ATR: variants seen among roughly 807,000 people sequenced by gnomAD.
The protein encoded by ATR is ATR checkpoint kinase.
In ATR, 142 loss-of-function variants were observed where a neutral mutation model predicts 305.3. The ratio of observed to expected loss-of-function variants is 0.47; its 90% confidence interval spans 0.41 to 0.53. The LOEUF (loss-of-function observed/expected upper bound fraction) is 0.53, where lower values mean the gene tolerates loss of function less well. Ranked by LOEUF, ATR falls within the 20% of genes least tolerant of loss-of-function variation. The pLI, the probability that ATR is intolerant of heterozygous loss-of-function variation, is 0.00. For missense variants in ATR, 2,135 were observed against 3,133.1 expected, an observed-to-expected ratio of 0.68 and a Z score of 7.60; for synonymous variants, 1,050 against 1,068.1, an observed-to-expected ratio of 0.98 and a Z score of 0.33.
In ATR at chr3:142,523,977, A is replaced by G; in HGVS notation, c.4152+16T>C. On this transcript the variant is annotated intron_variant, in intron 22 of 46. Transcript: ENST00000350721. Reference sequence around the variant, plus strand: ...GACAGAGAACTCTTTTGTCATTCCAAATTTCCACTACTTACCACAAATGTA... The same window carrying G: ...GACAGAGAACTCTTTTGTCATTCCAGATTTCCACTACTTACCACAAATGTA... 8 of 1,609,910 alleles carry G rather than the reference A, an allele frequency of 5.0e-6. No individual in the cohort carries two copies. The highest frequency in any genetic ancestry group is 6.8e-6 in the Non-Finnish European group (8 of 1,176,314).
In ATR at chr3:142,553,429, C is replaced by T. The variant is rs1559988694; in HGVS notation, c.2634-31G>A. On this transcript the variant is annotated intron_variant, in intron 12 of 46. Transcript: ENST00000350721. ...ATTAAAAACAACATACATATGAATA[C>T]ACAAACACACACACACACACACACA... The T allele has an allele frequency of 5.2e-6, 8 of 1,535,128 alleles. No homozygotes were observed. The South Asian group carries it at 9.0e-5, about 17-fold the overall frequency.
At chr3:142,553,535 G>A (rs2108463770) in intron 12 of ATR, 105 bp downstream of exon 12, 1 of 1,445,900 alleles carries the variant, frequency 6.9e-7, no homozygotes, top group Non-Finnish European at 9.6e-7. Flanking sequence ...CTCACATTTT[G>A]TCTATAATAT....
At chr3:142,499,252 G>A (rs995731865) in intron 31 of ATR, 1 of 305,578 alleles carries the variant, frequency 3.3e-6, no homozygotes, top group Admixed American at 4.5e-5. Context: ...TATGAATGTT[G>A]CTAAGTTACT....
chr3:142,451,748 T>TAAAAAA, intron 46 of ATR: 1 of 1,033,818 alleles, frequency 9.7e-7, no homozygotes, highest in South Asian at 2.1e-5. Flanking sequence ...CCCAGCTAAT[T>TAAAAAA]AAAAAAAAAC....
chr3:142,468,035 C>G lies in ATR; in HGVS notation c.6586G>C (p.Glu2196Gln), dbSNP rs1309960275. ...SYPMRVNRCK[E>Q]ILNKAIHMKK... ...ATATGAATAGCTTTATTGAGGATTTCCTTGCATCTGTTCACACGCATGGGA... is the reference window on the plus strand; with the variant it reads ...ATATGAATAGCTTTATTGAGGATTTGCTTGCATCTGTTCACACGCATGGGA... Residue 2196 changes from glutamate to glutamine, a missense_variant, in exon 39 of 47, where the codon GAA (glutamate) becomes CAA (glutamine). Glu to Gln is a conservative substitution (Grantham distance 29, BLOSUM62 2). Around this residue, in one of 9 missense-constraint regions of ATR, gnomAD observed 462 missense variants for 887.6 expected, o/e 0.52. Transcript: ENST00000350721. 5 of 1,612,762 alleles carry G rather than the reference C, an allele frequency of 3.1e-6. No homozygotes were observed. In the South Asian group the frequency reaches 5.5e-5, roughly 18 times the overall value.
chr3:142,504,110 T>C (rs1577586388), intron 29 of ATR, among the ~76,000 whole-genome samples: 1 of 152,290 alleles, frequency 6.6e-6, no homozygotes, highest in East Asian at 1.9e-4. Flanking sequence ...AAAAGCAATA[T>C]CCCAAAATTA....
In ATR at chr3:142,562,931, A is replaced by C; in HGVS notation, c.471T>G (p.Val157=). ...CCATCACATTTCTTCTATGGAGGTA[A>C]ACCAAGTCTTCAAAAAGTTGTAATA... ...KELLQLFEDL[V]YLHRRNVMGH... The change falls in exon 4 of 47, where the codon GTT becomes GTG. Residue 157 remains valine, a synonymous_variant. Coordinates refer to ENST00000350721, the MANE Select transcript of ATR (RefSeq NM_001184.4). 1 of 1,613,324 alleles carries C rather than the reference A, an allele frequency of 6.2e-7. No homozygotes were observed. The highest frequency in any genetic ancestry group is 8.5e-7 in the Non-Finnish European group (1 of 1,179,814).
chr3:142,479,249 T>C (rs897549792), intron 36 of ATR, among the ~76,000 whole-genome samples: 3 of 152,210 alleles, frequency 2.0e-5, no homozygotes, highest in African/African-American at 7.2e-5. Context: ...CCATGTTTAG[T>C]GCTTCCTTCA....
intron 21 of ATR, among the ~76,000 whole-genome samples, chr3:142,531,644 T>C (rs1281577324): frequency 4.6e-5 from 7 of 152,308 alleles, no homozygotes; most frequent in African/African-American, 1.2e-4. Context: ...TTTTCTTAAT[T>C]CAGTCTATCA....
rs1232893756 is a variant in ATR at position 142,465,246 on chromosome 3, A to C, written c.6898-6T>G. The C allele has an allele frequency of 6.2e-7, 1 of 1,608,368 alleles. No homozygotes were observed. On this transcript the variant is annotated splice_polypyrimidine_tract_variant and splice_region_variant and intron_variant, in intron 40 of 46. Coordinates refer to ENST00000350721, the MANE Select transcript of ATR (RefSeq NM_001184.4). ...AGAGAAGCAAGAATTTCCACCTAAA[A>C]GATGATGAGTTATATATGAATTAGG...
At chr3:142,559,590 T>C in intron 6 of ATR, 149 bp from the exon 7 acceptor site, 5 of 786,616 alleles carry the variant, frequency 6.4e-6, no homozygotes, top group Non-Finnish European at 1.0e-5. Context: ...AGTAATATGT[T>C]ATTACTATTT....
intron 21 of ATR, among the ~76,000 whole-genome samples, chr3:142,531,563 T>C (rs1411071613): frequency 2.0e-5 from 3 of 152,198 alleles, no homozygotes; most frequent in Non-Finnish European, 4.4e-5. Flanking sequence ...GCTTCATCCA[T>C]GTCCCTACAA....
rs765890919 is a variant in ATR at position 142,540,926 on chromosome 3, C to G, written c.3559G>C (p.Asp1187His). Residue 1187 changes from aspartate (D) to histidine (H), a missense_variant, in exon 18 of 47, where the codon GAT becomes CAT. Asp to His is a moderately conservative substitution (Grantham distance 81). This residue lies in a region of ATR where 530 missense variants were observed against 766.8 expected (regional missense o/e 0.69). Transcript: ENST00000350721. Reference protein sequence around the residue: ...TLRTGLRFKDDFPELCCRAWD... With the variant: ...TLRTGLRFKDHFPELCCRAWD... ...TACCTGCAACACAATTCAGGAAAAT[C>G]ATCCTTGAATCGAAGGCCAGTTCTC... is the stretch of plus-strand genomic sequence containing the variant. The G allele has an allele frequency of 2.3e-5, 37 of 1,612,310 alleles. No homozygotes were observed. Among genetic ancestry groups the G allele is most frequent in the Non-Finnish European group, 2.9e-5 (34 of 1,179,274 alleles).
In ATR at chr3:142,561,401, AT is replaced by A; in HGVS notation, c.1190del (p.Tyr397LeufsTer4). ...CCATACTTTCCATTTTCAAAGCTGCATAAAGTGGGCCCAACAAGTACTGAGA... is the reference window on the plus strand; with the variant it reads ...CCATACTTTCCATTTTCAAAGCTGCAAAAGTGGGCCCAACAAGTACTGAGA... ...VDAEYLLGPLYAALKMESMEI... is the reference protein window; with the variant it reads ...VDAEYLLGPLXAALKMESMEI... On this transcript the variant is annotated frameshift_variant, in exon 5 of 47. Transcript: ENST00000350721. LOFTEE classifies it high-confidence loss of function. 1 of 1,614,086 alleles carries A rather than the reference AT, an allele frequency of 6.2e-7. No homozygotes were observed. The highest frequency in any genetic ancestry group is 8.5e-7 in the Non-Finnish European group (1 of 1,179,966).
intron 36 of ATR, among the ~76,000 whole-genome samples, chr3:142,477,244 T>C (rs2029918805): frequency 6.6e-6 from 1 of 152,232 alleles, no homozygotes; most frequent in South Asian, 2.1e-4. Flanking sequence ...TAAATAGCTC[T>C]TATTATTTTT....
At chr3:142,477,703 C>T (rs2029996461) in intron 36 of ATR, among the ~76,000 whole-genome samples, 1 of 152,140 alleles carries the variant, frequency 6.6e-6, no homozygotes, top group African/African-American at 2.4e-5. Context: ...TAGAATTCGG[C>T]TGTGAATCCA....
intron 3 of ATR, among the ~76,000 whole-genome samples, chr3:142,563,475 G>A (rs781056305): frequency 1.3e-5 from 2 of 152,128 alleles, no homozygotes; most frequent in East Asian, 1.9e-4. Context: ...GATCAGTGAC[G>A]TTTGATGTTA....
At chr3:142,542,356 G>A (rs2034083722) in intron 17 of ATR, among the ~76,000 whole-genome samples, 1 of 152,146 alleles carries the variant, frequency 6.6e-6, no homozygotes, top group Admixed American at 6.6e-5. Flanking sequence ...CCAAAAGACT[G>A]ACTCTGAGAA....
In ATR at chr3:142,512,567, A is replaced by G. The variant is rs1440037264; in HGVS notation, c.4642-97T>C. Reference sequence around the variant, plus strand: ...TAACCATTCTAAGGCAAAAATTTTCAAAAGAAAAAACACAATTGGCCAGGC... The same window carrying G: ...TAACCATTCTAAGGCAAAAATTTTCGAAAGAAAAAACACAATTGGCCAGGC... On this transcript the variant is annotated intron_variant, in intron 26 of 46. Transcript: ENST00000350721. 4 of 1,093,428 alleles carry G rather than the reference A, an allele frequency of 3.7e-6. No individual in the cohort carries two copies. In the African/African-American group the frequency reaches 4.8e-5, roughly 13 times the overall value. 67.7% of individuals were successfully genotyped at this position (1,093,428 alleles called of 1,614,324 possible).
Sources: gnomAD v4.1 joint callset for allele counts (sites outside exome capture counted in the v4.1 genomes callset) on GRCh38, gnomAD v4.1.1 for gene constraint, gnomAD v4.1.1 regional missense constraint, MANE v1.5 for transcripts, NCBI Gene and HGNC (gene_info 2026-07-23, HGNC 2026-07-21) for gene names.